DPYSL3: variants seen among roughly 807,000 people sequenced by gnomAD.
DPYSL3 encodes the protein dihydropyrimidinase like 3.
A neutral mutation model predicts 66.1 loss-of-function variants in DPYSL3; 16 were observed. The ratio of observed to expected loss-of-function variants is 0.24; its 90% confidence interval spans 0.16 to 0.37. The LOEUF (loss-of-function observed/expected upper bound fraction) is 0.37, where lower values mean the gene tolerates loss of function less well. Ranked by LOEUF, DPYSL3 falls within the 10% of genes least tolerant of loss-of-function variation. The pLI is 1.00. For missense variants in DPYSL3, 738 were observed against 916.2 expected, an observed-to-expected ratio of 0.81 and a Z score of 2.51; for synonymous variants, 338 against 345.1, an observed-to-expected ratio of 0.98 and a Z score of 0.23.
In DPYSL3 at chr5:147,456,581, A is replaced by ATTT. The variant is rs985633099; in HGVS notation, c.382-31621_382-31619dup. On this transcript the variant is annotated intron_variant, in intron 1 of 13. Transcript: ENST00000343218. Reference sequence around the variant, plus strand: ...TCTTTCAGCAAATGCTACTGATTCTATTTTTTTTTTTTTTTTTTTTTTTTT... The same window carrying ATTT: ...TCTTTCAGCAAATGCTACTGATTCTATTTTTTTTTTTTTTTTTTTTTTTTTTTT... Among the ~76,000 whole-genome samples, 101 of 80,336 alleles carry ATTT rather than the reference A, an allele frequency of 1.3e-3. 7 individuals carry two copies. Among genetic ancestry groups the ATTT allele is most frequent in the East Asian group, 0.012 (29 of 2,356 alleles). The allele number at this position is 80,336 out of a possible 152,430, so 52.7% of individuals were successfully genotyped here.
Position 147,408,784 on chromosome 5 carries a change from T to C in DPYSL3, c.976A>G (p.Met326Val), listed in dbSNP as rs747416841. 2 of 1,614,198 alleles carry C rather than the reference T, an allele frequency of 1.2e-6. No individual in the cohort carries two copies. Among genetic ancestry groups the C allele is most frequent in the East Asian group, 2.2e-5 (1 of 44,880 alleles). ...GDIIAQEQTRMLEMGITGPEG... is the reference protein window; with the variant it reads ...GDIIAQEQTRVLEMGITGPEG... ...GGGCCAGTTATCCCCATTTCCAACA[T>C]GCGGGTTTGCTCCTGAAATGAAAAA... is the stretch of plus-strand genomic sequence containing the variant. The change falls in exon 7 of 14, where the codon ATG becomes GTG. Residue 326 changes from methionine to valine, a missense_variant. Coordinates refer to ENST00000343218, the MANE Select transcript of DPYSL3 (RefSeq NM_001197294.2).
At chr5:147,484,665 A>T (rs1753300846) in intron 1 of DPYSL3, among the ~76,000 whole-genome samples, 1 of 152,240 alleles carries the variant, frequency 6.6e-6, no homozygotes, top group Non-Finnish European at 1.5e-5. Context: ...ATATTCAGAC[A>T]TCAGAGCAAA....
At chr5:147,406,473 C>G (rs766252294) in intron 7 of DPYSL3, among the ~76,000 whole-genome samples, 9 of 152,166 alleles carry the variant, frequency 5.9e-5, no homozygotes, top group Non-Finnish European at 1.3e-4. Flanking sequence ...CCTCCCAAAG[C>G]CTCAGTTTCC....
intron 1 of DPYSL3, among the ~76,000 whole-genome samples, chr5:147,486,055 T>G (rs993889757): frequency 1.3e-5 from 2 of 152,160 alleles, no homozygotes; most frequent in African/African-American, 4.8e-5. Context: ...TGCCACAACA[T>G]GGATGCACCT....
At chr5:147,476,417 T>C (rs924985477) in intron 1 of DPYSL3, among the ~76,000 whole-genome samples, 4 of 152,138 alleles carry the variant, frequency 2.6e-5, no homozygotes, top group Non-Finnish European at 5.9e-5. Context: ...ATGCAAAATA[T>C]GTTAATGCAT....
chr5:147,431,489 T>C (rs943434124), intron 1 of DPYSL3, among the ~76,000 whole-genome samples: 8 of 152,120 alleles, frequency 5.3e-5, no homozygotes, highest in Admixed American at 3.3e-4. Context: ...GGGCATACTA[T>C]ATATAAAGGG....
chr5:147,399,240 T>C lies in DPYSL3; in HGVS notation c.1465A>G (p.Met489Val). 1 of 1,613,996 alleles carries C rather than the reference T, an allele frequency of 6.2e-7. No individual in the cohort carries two copies. Among genetic ancestry groups the C allele is most frequent in the Non-Finnish European group, 8.5e-7 (1 of 1,179,964 alleles). ...ACAGCCACGAACTGGTTTTCGTCCA[T>C]TTTCCCTGTGGCCTATTGAAATATA... ...IWDKAVATGK[M>V]DENQFVAVTS... is the part of the protein sequence containing the mutation. The change falls in exon 11 of 14, where the codon ATG becomes GTG. Residue 489 changes from methionine (M) to valine (V), a missense_variant. Transcript: ENST00000343218.
intron 1 of DPYSL3, among the ~76,000 whole-genome samples, chr5:147,500,474 C>T (rs891109992): frequency 1.3e-5 from 2 of 151,848 alleles, no homozygotes; most frequent in South Asian, 2.1e-4. Flanking sequence ...ATTAGCCGGG[C>T]GTGGTTGTGC....
chr5:147,501,273 C>T (rs1293408517), intron 1 of DPYSL3, among the ~76,000 whole-genome samples: 3 of 151,882 alleles, frequency 2.0e-5, no homozygotes, highest in Non-Finnish European at 4.4e-5. Flanking sequence ...ACTATGGAGG[C>T]AGTAAAAAGA....
At chr5:147,427,220 G>C (rs1022197661) in intron 1 of DPYSL3, among the ~76,000 whole-genome samples, 1 of 152,154 alleles carries the variant, frequency 6.6e-6, no homozygotes, top group African/African-American at 2.4e-5. Flanking sequence ...AATTTCACCT[G>C]CTCCCACTGC....
At position 147,446,928 on chromosome 5, in the gene DPYSL3, G is replaced by A. The variant is rs148932893; in HGVS notation, c.382-21965C>T. Among the ~76,000 whole-genome samples the A allele has an allele frequency of 8.0e-4, 122 of 152,326 alleles. No individual in the cohort carries two copies. In the East Asian group the frequency reaches 0.023, roughly 28 times the overall value. ...GGACAGCTGGAGATAATGGCTAATG[G>A]CGGGAGGAGGTAGTCACCTGTGCCT... On this transcript the variant is annotated intron_variant, in intron 1 of 13. Transcript: ENST00000343218.
intron 2 of DPYSL3, among the ~76,000 whole-genome samples, chr5:147,424,534 C>G (rs1752156522): frequency 6.6e-6 from 1 of 152,200 alleles, no homozygotes; most frequent in Non-Finnish European, 1.5e-5. Context: ...TACCCCAAAG[C>G]ATTACTTCTA....
At chr5:147,450,577 G>A (rs1446366839) in intron 1 of DPYSL3, among the ~76,000 whole-genome samples, 2 of 152,044 alleles carry the variant, frequency 1.3e-5, no homozygotes, top group East Asian at 1.9e-4. Context: ...TAGCTACTCC[G>A]AGCCAACTCC....
At chr5:147,434,379 TG>T (rs1266171698) in intron 1 of DPYSL3, among the ~76,000 whole-genome samples, 1 of 152,178 alleles carries the variant, frequency 6.6e-6, no homozygotes, top group Non-Finnish European at 1.5e-5. Context: ...ACACGTGCCA[TG>T]GGTGGAAGCT....
At chr5:147,426,771 C>G (rs775937377) in intron 1 of DPYSL3, among the ~76,000 whole-genome samples, 8 of 152,198 alleles carry the variant, frequency 5.3e-5, no homozygotes, top group Non-Finnish European at 1.2e-4. Context: ...TAGGCCCCAT[C>G]TGGGATACAG....
intron 1 of DPYSL3, among the ~76,000 whole-genome samples, chr5:147,483,630 T>C (rs1753284545): frequency 6.6e-6 from 1 of 152,160 alleles, no homozygotes; most frequent in African/African-American, 2.4e-5. Flanking sequence ...GTGGCAGTGG[T>C]AAGGACACAG....
intron 1 of DPYSL3, among the ~76,000 whole-genome samples, chr5:147,480,582 C>G (rs1011289075): frequency 6.6e-6 from 1 of 151,888 alleles, no homozygotes; most frequent in Non-Finnish European, 1.5e-5. Context: ...CATTACTAAA[C>G]CCAGGTTTTC....
intron 1 of DPYSL3, among the ~76,000 whole-genome samples, chr5:147,502,571 C>CTTTTT (rs71001435): frequency 2.6e-4 from 25 of 95,190 alleles, no homozygotes; most frequent in East Asian, 3.6e-4. Context: ...CTTAATAATG[C>CTTTTT]TTTTTTTTTT....
At chr5:147,431,263 AC>A (rs1417551294) in intron 1 of DPYSL3, among the ~76,000 whole-genome samples, 3 of 152,166 alleles carry the variant, frequency 2.0e-5, no homozygotes, top group African/African-American at 4.8e-5. Context: ...AGGAAAAGGT[AC>A]TAAATATGCT....
Sources: allele counts gnomAD v4.1 joint callset (sites outside exome capture counted in the v4.1 genomes callset), GRCh38; gene constraint gnomAD v4.1.1; transcripts MANE v1.5; gene names NCBI Gene and HGNC (gene_info 2026-07-23, HGNC 2026-07-21).